CD36: variants seen among roughly 807,000 people sequenced by gnomAD.
CD36 encodes CD36 molecule (CD36 blood group).
Under a neutral mutation model 55.2 loss-of-function variants are expected in CD36, and 119 were observed. The observed-to-expected ratio is 2.15, with a 90% confidence interval of 1.86 to 2.51. The LOEUF (loss-of-function observed/expected upper bound fraction) is 2.51, where lower values mean the gene tolerates loss of function less well. Among genes scored for constraint, CD36 ranks in the 30% most tolerant of loss-of-function variants. The pLI, the probability that CD36 is intolerant of heterozygous loss-of-function variation, is 0.00. For synonymous variants in CD36, 186 were observed against 193.6 expected, an observed-to-expected ratio of 0.96 and a Z score of 0.33; for missense variants, 819 against 555.5, an observed-to-expected ratio of 1.47 and a Z score of -4.77.
chr7:80,663,441 C>T (rs1289751400), intron 6 of CD36, among the ~76,000 whole-genome samples: 4 of 152,088 alleles, frequency 2.6e-5, no homozygotes, highest in Non-Finnish European at 4.4e-5. Flanking sequence ...TTAAATTAGC[C>T]GGTAAGCTAG....
chr7:80,630,970 G>A (rs1312699238), intron 1 of CD36, among the ~76,000 whole-genome samples: 1 of 151,918 alleles, frequency 6.6e-6, no homozygotes, highest in Admixed American at 6.6e-5. Context: ...CATGAACTGG[G>A]GCACTGTAGA....
chr7:80,604,813 A>G (rs1200625046), intron 1 of CD36, among the ~76,000 whole-genome samples: 2 of 152,048 alleles, frequency 1.3e-5, no homozygotes, highest in African/African-American at 4.8e-5. Flanking sequence ...TCTTATAAAT[A>G]TTACTTTTCT....
At chr7:80,636,199 G>A (rs964660653), upstream of CD36, among the ~76,000 whole-genome samples, 5 of 152,062 alleles carry the variant, frequency 3.3e-5, no homozygotes, top group African/African-American at 1.2e-4. Context: ...TGTAGGAAGT[G>A]GGGGTGATGA....
At chr7:80,622,735 G>A (rs545491921) in intron 1 of CD36, among the ~76,000 whole-genome samples, 2 of 152,310 alleles carry the variant, frequency 1.3e-5, no homozygotes, top group East Asian at 3.9e-4. Context: ...CCGAACAAAT[G>A]TGCATTTCCT....
At chr7:80,660,441 CTAATA>C (rs1244531111) in intron 4 of CD36, among the ~76,000 whole-genome samples, 1 of 152,108 alleles carries the variant, frequency 6.6e-6, no homozygotes, top group Non-Finnish European at 1.5e-5. Context: ...ATCATTCTTT[CTAATA>C]TAAGAAAATG....
At chr7:80,638,238 G>A (rs889322519), upstream of CD36, among the ~76,000 whole-genome samples, 15 of 151,714 alleles carry the variant, frequency 9.9e-5, 1 homozygote, top group South Asian at 8.3e-4. Flanking sequence ...AATAAGTTTC[G>A]CAAGCTCAGT....
intron 9 of CD36, chr7:80,670,296 T>C: frequency 2.3e-6 from 1 of 437,222 alleles, no homozygotes; most frequent in Non-Finnish European, 4.2e-6. Flanking sequence ...TCTAAAGACA[T>C]ACAGAGAAGA....
upstream of CD36, chr7:80,638,454 A>C (rs2116252402): frequency 6.6e-6 from 1 of 151,306 alleles, no homozygotes; most frequent in African/African-American, 2.4e-5. Flanking sequence ...TCTTCACCAG[A>C]ACATAAAAAT....
At chr7:80,655,053 A>G (rs899678882) in intron 3 of CD36, among the ~76,000 whole-genome samples, 3 of 152,244 alleles carry the variant, frequency 2.0e-5, no homozygotes, top group African/African-American at 7.2e-5. Context: ...ATCATGTTCA[A>G]TGTCCTTTCC....
intron 1 of CD36, among the ~76,000 whole-genome samples, chr7:80,609,430 C>T (rs1282338454): frequency 6.6e-6 from 1 of 152,170 alleles, no homozygotes. Flanking sequence ...TCCTTTAACA[C>T]CTTCTCTCCC....
intron 1 of CD36, among the ~76,000 whole-genome samples, chr7:80,640,413 CAT>C (rs1394422066): frequency 1.3e-5 from 2 of 151,864 alleles, no homozygotes; most frequent in Non-Finnish European, 2.9e-5. Flanking sequence ...ATAACAATAA[CAT>C]TTTCTACAAT....
At chr7:80,646,984 T>C (rs1584369827) in intron 3 of CD36, 124 bp downstream of exon 3, 1 of 1,065,136 alleles carries the variant, frequency 9.4e-7, no homozygotes, top group East Asian at 2.5e-5. Context: ...GACATAAAGG[T>C]AATTATGAAC....
chr7:80,636,433 A>G (rs1794407594), upstream of CD36, among the ~76,000 whole-genome samples: 1 of 151,990 alleles, frequency 6.6e-6, no homozygotes, highest in South Asian at 2.1e-4. Context: ...AAGAAGAACA[A>G]GCAGTTAACT....
intron 8 of CD36, 93 bp from the exon 9 acceptor site, chr7:80,669,860 A>G (rs1304523310): frequency 1.2e-6 from 1 of 866,264 alleles, no homozygotes; most frequent in East Asian, 2.4e-5. Context: ...AGTTTGCATT[A>G]CATTTCTATG....
At chr7:80,610,780 A>G (rs915372124) in intron 1 of CD36, among the ~76,000 whole-genome samples, 3 of 152,036 alleles carry the variant, frequency 2.0e-5, no homozygotes, top group Non-Finnish European at 4.4e-5. Context: ...TCACTGTGTT[A>G]GCCAGGCTGG....
At chr7:80,633,385 A>C (rs998262204) in intron 1 of CD36, 1 of 151,974 alleles carries the variant, frequency 6.6e-6, no homozygotes, top group African/African-American at 2.4e-5. Context: ...TCTACTTTTA[A>C]TGCAGTATGT....
chr7:80,661,276 C>A, intron 5 of CD36, 66 bp downstream of exon 5: 3 of 1,408,960 alleles, frequency 2.1e-6, no homozygotes, highest in Non-Finnish European at 3.0e-6. Context: ...TTAATCCTAT[C>A]ATTAGAATTA....
intron 1 of CD36, among the ~76,000 whole-genome samples, chr7:80,608,930 C>T (rs1220210310): frequency 6.7e-6 from 1 of 150,184 alleles, no homozygotes; most frequent in Non-Finnish European, 1.5e-5. Context: ...ACCCCCATAG[C>T]CAGTTTTTAA....
At chr7:80,663,218 A>G in intron 6 of CD36, 49 bp downstream of exon 6, 1 of 1,428,056 alleles carries the variant, frequency 7.0e-7, no homozygotes, top group Non-Finnish European at 9.9e-7. Context: ...AATTTAATTA[A>G]TTCAATGGCA....
Sources: allele counts gnomAD v4.1 joint callset (sites outside exome capture counted in the v4.1 genomes callset), GRCh38; gene constraint gnomAD v4.1.1; transcripts MANE v1.5; gene names NCBI Gene and HGNC (gene_info 2026-07-23, HGNC 2026-07-21).